The following MRPS21 variants were observed in gnomAD, a reference collection of about 807,000 sequenced individuals.
MRPS21 encodes the protein mitochondrial ribosomal protein S21.
Under a neutral mutation model 9.9 loss-of-function variants are expected in MRPS21, and 8 were observed. The observed-to-expected ratio is 0.81, with a 90% CI of 0.47 to 1.45. MRPS21 has a LOEUF of 1.45. Among genes scored for constraint, MRPS21 ranks in the 40% most tolerant of loss-of-function variants. MRPS21 has a pLI of 0.00. For synonymous variants in MRPS21, 40 were observed against 40.3 expected (o/e 0.99, Z 0.03); for missense variants, 101 against 118.9 (o/e 0.85, Z 0.70).
intron 2 of MRPS21, among the ~76,000 whole-genome samples, chr1:150,299,688 C>T (rs1419278113): frequency 1.3e-5 from 2 of 152,094 alleles, no homozygotes; most frequent in African/African-American, 4.8e-5. Context: ...CTCCTGACCT[C>T]AGGTGATCCA....
In MRPS21 at chr1:150,303,234, C is replaced by A. The variant is rs112683841; in HGVS notation, c.84-4814C>A. Among the ~76,000 whole-genome samples the A allele has an allele frequency of 1.2e-4, 19 of 152,252 alleles. 1 individual carries two copies. Among genetic ancestry groups the A allele is most frequent in the African/African-American group, 4.3e-4 (18 of 41,558 alleles). ...TTCCTAGGTCATATTTACTCAGGGT[C>A]TCTGTCGTTTTTATATTCTCTCAAA... On this transcript the variant is annotated intron_variant, in intron 2 of 2. Transcript: ENST00000614145.
At chr1:150,297,575 G>C (rs966967787) in intron 2 of MRPS21, among the ~76,000 whole-genome samples, 1 of 151,812 alleles carries the variant, frequency 6.6e-6, no homozygotes, top group Non-Finnish European at 1.5e-5. Flanking sequence ...GGAGGCTGAG[G>C]CAGGAGAATC....
At chr1:150,297,934 T>C (rs1425612769) in intron 2 of MRPS21, among the ~76,000 whole-genome samples, 1 of 44,754 alleles carries the variant, frequency 2.2e-5, no homozygotes, top group Non-Finnish European at 3.9e-5. Context: ...AAGTACAAAA[T>C]GAACTTTTTT....
intron 2 of MRPS21, among the ~76,000 whole-genome samples, chr1:150,302,267 C>T (rs144683163): frequency 1.3e-4 from 20 of 152,234 alleles, no homozygotes; most frequent in African/African-American, 4.8e-4. Context: ...AGGAAATAGC[C>T]TACGTGTCTG....
chr1:150,295,972 A>AT (rs1653902564), intron 2 of MRPS21, among the ~76,000 whole-genome samples: 1 of 145,946 alleles, frequency 6.9e-6, no homozygotes, highest in Non-Finnish European at 1.5e-5. Context: ...TTTTTTTTTA[A>AT]AACGGAGTCT....
chr1:150,305,090 C>A, intron 2 of MRPS21: 2 of 289,194 alleles, frequency 6.9e-6, no homozygotes, highest in Non-Finnish European at 1.3e-5. Context: ...AGTGCAGTGC[C>A]ACAATCATGG....
chr1:150,294,305 T>C lies in MRPS21; in HGVS notation c.-32-30T>C. The C allele has an allele frequency of 8.2e-6, 12 of 1,463,378 alleles. No homozygotes were observed. The South Asian group carries it at 1.4e-4, about 17-fold the overall frequency. The allele number at this position is 1,463,378 out of a possible 1,614,324, so 90.6% of individuals were successfully genotyped here. On this transcript the variant is annotated intron_variant, in intron 1 of 2. Coordinates refer to ENST00000614145, the MANE Select transcript of MRPS21 (RefSeq NM_031901.6). ...TATTATGTTGCGTTTCTCTTTCTGCTTTCCTCGCCCTTTCTCCATCATCCT... is the reference window on the plus strand; with the variant it reads ...TATTATGTTGCGTTTCTCTTTCTGCCTTCCTCGCCCTTTCTCCATCATCCT...
chr1:150,299,993 C>T (rs1654058784), intron 2 of MRPS21, among the ~76,000 whole-genome samples: 2 of 151,946 alleles, frequency 1.3e-5, no homozygotes, highest in African/African-American at 4.8e-5. Context: ...TGGATGGCAG[C>T]ATTTTAAAAA....
chr1:150,295,952 CTT>C (rs35860472), intron 2 of MRPS21, among the ~76,000 whole-genome samples: 225 of 115,752 alleles, frequency 1.9e-3, no homozygotes, highest in Middle Eastern at 4.3e-3. Flanking sequence ...CCTAGTAATA[CTT>C]TTTTTTTTTT....
intron 2 of MRPS21, among the ~76,000 whole-genome samples, chr1:150,302,147 T>G (rs1654159842): frequency 6.6e-6 from 1 of 152,196 alleles, no homozygotes; most frequent in South Asian, 2.1e-4. Flanking sequence ...AGTTTAAAAA[T>G]AATTTGCTTG....
At chr1:150,307,443 G>A (rs965348916) in intron 2 of MRPS21, among the ~76,000 whole-genome samples, 11 of 143,110 alleles carry the variant, frequency 7.7e-5, no homozygotes, top group Non-Finnish European at 1.5e-4. Flanking sequence ...CTGCAGCCAT[G>A]AACTCCCAGG....
chr1:150,306,714 C>G (rs1654344516), intron 2 of MRPS21, among the ~76,000 whole-genome samples: 1 of 152,114 alleles, frequency 6.6e-6, no homozygotes, highest in South Asian at 2.1e-4. Context: ...AGGCTGGTCT[C>G]AAACTCCTGA....
chr1:150,303,982 A>C (rs1553858049), intron 2 of MRPS21: 1 of 454,100 alleles, frequency 2.2e-6, no homozygotes, highest in East Asian at 7.0e-5. Context: ...CAACCCAATG[A>C]GGGGTTCAAT....
rs1653845054 is a variant in MRPS21 at position 150,294,597 on chromosome 1, A to C, written c.83+148A>C. The C allele has an allele frequency of 4.2e-6, 3 of 712,898 alleles. No homozygotes were observed. The Admixed American group carries it at 8.1e-5, about 19-fold the overall frequency. The allele number at this position is 712,898 out of a possible 1,614,324, so 44.2% of individuals were successfully genotyped here. On this transcript the variant is annotated intron_variant, in intron 2 of 2. Transcript: ENST00000614145. Reference sequence around the variant, plus strand: ...AAACGTCTCAGCCCCTCAGTTTATTATCTTAAAAATGAAGTTCTGGGCCGG... The same window carrying C: ...AAACGTCTCAGCCCCTCAGTTTATTCTCTTAAAAATGAAGTTCTGGGCCGG...
intron 2 of MRPS21, among the ~76,000 whole-genome samples, chr1:150,299,417 T>A (rs1553857192): frequency 9.8e-6 from 1 of 101,846 alleles, no homozygotes; most frequent in East Asian, 2.7e-4. Context: ...ACACTCAGTT[T>A]TTGCTTTTCC....
At chr1:150,299,991 A>G (rs1443171298) in intron 2 of MRPS21, among the ~76,000 whole-genome samples, 3 of 152,224 alleles carry the variant, frequency 2.0e-5, no homozygotes, top group Non-Finnish European at 4.4e-5. Context: ...CCTGGATGGC[A>G]GCATTTTAAA....
chr1:150,301,224 A>G, intron 2 of MRPS21: 1 of 173,376 alleles, frequency 5.8e-6, no homozygotes, highest in Non-Finnish European at 1.3e-5. Context: ...AGTCCCAGCT[A>G]CTCGGGAGGC....
At chr1:150,296,303 C>T (rs913805659) in intron 2 of MRPS21, among the ~76,000 whole-genome samples, 15 of 152,238 alleles carry the variant, frequency 9.9e-5, no homozygotes, top group African/African-American at 3.6e-4. Flanking sequence ...TTAACCTTCC[C>T]TTCTCACCAG....
chr1:150,307,194 C>T (rs1553858649), intron 2 of MRPS21, among the ~76,000 whole-genome samples: 1 of 151,476 alleles, frequency 6.6e-6, no homozygotes, highest in African/African-American at 2.4e-5. Flanking sequence ...ACTATAGGCG[C>T]CCGCCATCAT....
Sources: allele counts gnomAD v4.1 joint callset (sites outside exome capture counted in the v4.1 genomes callset), GRCh38; gene constraint gnomAD v4.1.1; transcripts MANE v1.5; gene names NCBI Gene and HGNC (gene_info 2026-07-23, HGNC 2026-07-21).